POLI: variants seen among roughly 807,000 people sequenced by gnomAD.
The protein encoded by POLI is DNA polymerase iota, also known as RAD30 homolog B.
Under a neutral mutation model 51.6 loss-of-function variants are expected in POLI, and 58 were observed. The observed-to-expected ratio is 1.12, with a 90% CI of 0.91 to 1.40. The LOEUF (loss-of-function observed/expected upper bound fraction) is 1.40, where lower values mean the gene tolerates loss of function less well. POLI is among the 40% of genes most tolerant of loss of function. POLI has a pLI of 0.00. For missense variants in POLI, 921 were observed against 871.3 expected (o/e 1.06, Z -0.72); for synonymous variants, 322 against 299.7 (o/e 1.07, Z -0.77).
Position 54,294,625 on chromosome 18 carries a change from C to T in POLI, c.*158C>T, listed in dbSNP as rs557828389. The T allele has an allele frequency of 3.4e-5, 44 of 1,296,988 alleles. No individual in the cohort carries two copies. Among genetic ancestry groups the T allele is most frequent in the Non-Finnish European group, 4.3e-5 (44 of 1,026,026 alleles). The allele number at this position is 1,296,988 out of a possible 1,614,324, so 80.3% of individuals were successfully genotyped here. A position where few individuals can be genotyped will look rare whatever the true frequency, so the allele number is the denominator to read the frequency against. ...TAGTTGCAAGAAGTAAATTCTGGCA[C>T]AAAGCGTAAAAATATAACAGAAGAA... On this transcript the variant is annotated 3_prime_UTR_variant, in exon 10 of 10. Coordinates refer to ENST00000579534, the MANE Select transcript of POLI (RefSeq NM_007195.3).
rs147405589 is a variant in POLI, at chr18:54,296,228, A to G, written c.*1761A>G. On this transcript the variant is annotated 3_prime_UTR_variant, in exon 10 of 10. Coordinates refer to ENST00000579534, the MANE Select transcript of POLI (RefSeq NM_007195.3). ...CTTGGACAGCTAGAAGGGGCTTAAG[A>G]AAAAATGGCTAAGAAAACAAAGTAA... is the stretch of plus-strand genomic sequence containing the variant. The G allele has an allele frequency of 3.0e-6, 3 of 985,308 alleles. No individual in the cohort carries two copies. Among genetic ancestry groups the G allele is most frequent in the African/African-American group, 1.7e-5 (1 of 57,362 alleles). 61.0% of individuals were successfully genotyped at this position (985,308 alleles called of 1,614,324 possible).
rs756594790 is a variant in POLI, at chr18:54,294,387, G to C, written c.2143G>C (p.Glu715Gln). ...PSDIDPQVFYELPEAVQKELL... is the reference protein window; with the variant it reads ...PSDIDPQVFYQLPEAVQKELL... Reference sequence around the variant, plus strand: ...TGACATTGATCCTCAAGTTTTCTATGAACTACCAGAAGCAGTACAAAAGGA... The same window carrying C: ...TGACATTGATCCTCAAGTTTTCTATCAACTACCAGAAGCAGTACAAAAGGA... The change falls in exon 10 of 10, where the codon GAA (glutamate) becomes CAA (glutamine). Residue 715 changes from glutamate (E) to glutamine (Q), a missense_variant. By Grantham distance (29) the Glu-to-Gln change is conservative (BLOSUM62 2). Coordinates refer to ENST00000579534, the MANE Select transcript of POLI (RefSeq NM_007195.3). 6.2e-7 allele frequency: 1 copy of C among 1,613,350 alleles called. No homozygotes were observed. The highest frequency in any genetic ancestry group is 1.3e-5 in the African/African-American group (1 of 74,892).
chr18:54,313,334 T>C (rs9959202), intron 3 of POLI, among the ~76,000 whole-genome samples: 18,383 of 152,104 alleles, frequency 0.12, 3,624 homozygotes, highest in African/African-American at 0.41. Context: ...CCAGTAACTT[T>C]CTATTTTCGT....
At chr18:54,309,715 T>A (rs907082945) in intron 3 of POLI, among the ~76,000 whole-genome samples, 3 of 152,212 alleles carry the variant, frequency 2.0e-5, no homozygotes, top group Non-Finnish European at 4.4e-5. Flanking sequence ...GCAGGCCTCA[T>A]TGAGCTGCGG....
In POLI at chr18:54,287,279, A is replaced by T. The variant is rs1555674166; in HGVS notation, c.1068-2A>T. ...TTATTTCCACTTTCTCTTTATTTTT[A>T]GAGTATGCCAAGATGGAAGGAAGCC... On this transcript the variant is annotated splice_acceptor_variant, in intron 7 of 9. Transcript: ENST00000579534. LOFTEE classifies it high-confidence loss of function. 1 of 1,548,406 alleles carries T rather than the reference A, an allele frequency of 6.5e-7. No individual in the cohort carries two copies. The highest frequency in any genetic ancestry group is 8.8e-7 in the Non-Finnish European group (1 of 1,137,474).
chr18:54,313,724 T>G (rs1418088383), intron 3 of POLI, among the ~76,000 whole-genome samples: 8 of 152,274 alleles, frequency 5.3e-5, no homozygotes, highest in Admixed American at 4.6e-4. Context: ...CTATTGTGAA[T>G]GGGATTGTGT....
At chr18:54,299,582 CAGAA>C (rs1337565572), downstream of POLI, among the ~76,000 whole-genome samples, 4 of 152,196 alleles carry the variant, frequency 2.6e-5, no homozygotes, top group Non-Finnish European at 5.9e-5. Flanking sequence ...ATAAATTATT[CAGAA>C]AGAAACAGAG....
chr18:54,274,499 A>G (rs1372964008), intron 3 of POLI, among the ~76,000 whole-genome samples: 1 of 151,950 alleles, frequency 6.6e-6, no homozygotes, highest in Non-Finnish European at 1.5e-5. Flanking sequence ...TGATCAACAT[A>G]ATTAAAAACT....
At chr18:54,287,476 G>A in intron 8 of POLI, 65 bp downstream of exon 8, 4 of 1,239,356 alleles carry the variant, frequency 3.2e-6, no homozygotes, top group Non-Finnish European at 4.7e-6. Context: ...AACTTTGAAT[G>A]AGAAATATGC....
chr18:54,297,134 A>G lies in POLI; in HGVS notation c.*2667A>G, dbSNP rs569056216. 1.0e-6 allele frequency: 1 copy of G among 985,406 alleles called. No homozygotes were observed. The highest frequency in any genetic ancestry group is 1.1e-4 in the East Asian group (1 of 8,818). The allele number at this position is 985,406 out of a possible 1,614,324, so 61.0% of individuals were successfully genotyped here. ...AAGTGTAAGCTCCCTGACCCTTACT[A>G]CTAGCCGAAGGTTTTGTCTCTGCAG... On this transcript the variant is annotated 3_prime_UTR_variant, in exon 10 of 10. Coordinates refer to ENST00000579534, the MANE Select transcript of POLI (RefSeq NM_007195.3).
chr18:54,293,913 A>G lies in POLI; in HGVS notation c.1669A>G (p.Ser557Gly), dbSNP rs957130077. 2 of 1,613,034 alleles carry G rather than the reference A, an allele frequency of 1.2e-6. No homozygotes were observed. The highest frequency in any genetic ancestry group is 2.7e-5 in the African/African-American group (2 of 74,902). The change falls in exon 10 of 10, where the codon AGT becomes GGT. Residue 557 changes from serine to glycine, a missense_variant. Physicochemically the swap from Ser to Gly is moderately conservative, Grantham distance 56. Coordinates refer to ENST00000579534, the MANE Select transcript of POLI (RefSeq NM_007195.3). ...KSREKFQGKG[S>G]VSCPLHASRG... ...TAGGGAAAAATTTCAAGGGAAAGGA[A>G]GTGTGAGTTGTCCATTACATGCCTC...
intron 9 of POLI, among the ~76,000 whole-genome samples, chr18:54,292,663 A>G (rs77323331): frequency 1.6e-4 from 25 of 152,232 alleles, no homozygotes; most frequent in Non-Finnish European, 3.4e-4. Flanking sequence ...GTTCATGCCT[A>G]TAATTAACTC....
intron 8 of POLI, among the ~76,000 whole-genome samples, chr18:54,289,975 G>C (rs1054618867): frequency 1.3e-5 from 2 of 151,986 alleles, no homozygotes; most frequent in Admixed American, 6.6e-5. Flanking sequence ...AAAATTGACA[G>C]ATGGGACCTA....
At chr18:54,313,521 T>C (rs762173185) in intron 3 of POLI, among the ~76,000 whole-genome samples, 14 of 152,216 alleles carry the variant, frequency 9.2e-5, no homozygotes, top group East Asian at 1.9e-4. Flanking sequence ...AGGAATATCA[T>C]TGAATCTGTA....
intron 3 of POLI, among the ~76,000 whole-genome samples, chr18:54,274,718 C>T (rs1032612966): frequency 6.6e-6 from 1 of 152,058 alleles, no homozygotes; most frequent in Admixed American, 6.6e-5. Flanking sequence ...GTAATTGTGG[C>T]TTTCACAATT....
In POLI at chr18:54,297,574, C is replaced by A; in HGVS notation, c.*3107C>A. On this transcript the variant is annotated 3_prime_UTR_variant, in exon 10 of 10. Coordinates refer to ENST00000579534, the MANE Select transcript of POLI (RefSeq NM_007195.3). ...TGCCATCTTATTTTTTAATATATTT[C>A]TTTTTCTATGTTGTGCTTCTTTCCC... 2.0e-6 allele frequency: 2 copies of A among 977,240 alleles called. No homozygotes were observed. Among genetic ancestry groups the A allele is most frequent in the South Asian group, 4.7e-5 (1 of 21,102 alleles). 60.5% of individuals were successfully genotyped at this position (977,240 alleles called of 1,614,324 possible).
chr18:54,282,576 T>C (rs2087553843), intron 5 of POLI, among the ~76,000 whole-genome samples: 1 of 152,108 alleles, frequency 6.6e-6, no homozygotes, highest in Non-Finnish European at 1.5e-5. Flanking sequence ...GTTAATCTCT[T>C]ACTGTGCCTA....
At position 54,295,054 on chromosome 18, in the gene POLI, T is replaced by C; in HGVS notation, c.*587T>C. 2.0e-6 allele frequency: 2 copies of C among 983,602 alleles called. No homozygotes were observed. The highest frequency in any genetic ancestry group is 2.4e-6 in the Non-Finnish European group (2 of 829,800). 60.9% of individuals were successfully genotyped at this position (983,602 alleles called of 1,614,324 possible). A position where few individuals can be genotyped will look rare whatever the true frequency, so the allele number is the denominator to read the frequency against. The stretch of plus-strand genomic sequence containing the variant: ...CACACAAAGGCCGTTCAATAAACAT[T>C]GAATGAATGAATGGTTTGGCTAGGG... On this transcript the variant is annotated 3_prime_UTR_variant, in exon 10 of 10. Coordinates refer to ENST00000579534, the MANE Select transcript of POLI (RefSeq NM_007195.3).
chr18:54,272,936 A>G (rs1403798747), intron 2 of POLI, among the ~76,000 whole-genome samples: 1 of 152,132 alleles, frequency 6.6e-6, no homozygotes, highest in Non-Finnish European at 1.5e-5. Context: ...ATTACCTGAT[A>G]TATGAAAAAA....
Sources: gnomAD v4.1 joint callset for allele counts (sites outside exome capture counted in the v4.1 genomes callset) on GRCh38, gnomAD v4.1.1 for gene constraint, MANE v1.5 for transcripts, NCBI Gene and HGNC (gene_info 2026-07-23, HGNC 2026-07-21) for gene names.